Variants in MCOLN3 observed in about 807,000 individuals in gnomAD.
MCOLN3 encodes the protein mucolipin-3.
MCOLN3 carries 62 observed loss-of-function variants against 69.4 expected under a neutral mutation model. The ratio of observed to expected loss-of-function variants is 0.89; its 90% CI spans 0.73 to 1.10. The LOEUF (loss-of-function observed/expected upper bound fraction) is 1.10, where lower values mean the gene tolerates loss of function less well. Ranked by LOEUF, MCOLN3 falls within the 50% of genes least tolerant of loss-of-function variation. The pLI is 0.00. For missense variants in MCOLN3, 564 were observed against 656.4 expected (o/e 0.86, Z 1.54); for synonymous variants, 183 against 217.0 (o/e 0.84, Z 1.38).
intron 3 of MCOLN3, among the ~76,000 whole-genome samples, chr1:85,038,390 A>G (rs1652903765): frequency 6.6e-6 from 1 of 152,230 alleles, no homozygotes; most frequent in African/African-American, 2.4e-5. Flanking sequence ...TTAAAGAAAT[A>G]AGAGGAAAGC....
Position 85,041,215 on chromosome 1 carries a change from A to C in MCOLN3, c.229-38T>G, listed in dbSNP as rs752251454. Reference sequence around the variant, plus strand: ...AAAAGAAAAGGTAAGAGGGTGGAAAATGTGGGCAGAAAAAGCAGAGCAGAA... The same window carrying C: ...AAAAGAAAAGGTAAGAGGGTGGAAACTGTGGGCAGAAAAAGCAGAGCAGAA... On this transcript the variant is annotated intron_variant, in intron 2 of 12. Transcript: ENST00000370589. 9.5e-6 allele frequency: 15 copies of C among 1,571,158 alleles called. No individual in the cohort carries two copies. The South Asian group carries it at 1.7e-4, about 18-fold the overall frequency.
intron 1 of MCOLN3, 23 bp from the exon 2 acceptor site, chr1:85,045,385 A>G (rs1653297242): frequency 6.4e-7 from 1 of 1,555,464 alleles, no homozygotes; most frequent in Non-Finnish European, 8.8e-7. Context: ...AACAACAACA[A>G]CAACAACCAA....
rs747413787 is a variant in MCOLN3 at position 85,041,107 on chromosome 1, T to C, written c.299A>G (p.His100Arg). 37 of 1,613,944 alleles carry C rather than the reference T, an allele frequency of 2.3e-5. No individual in the cohort carries two copies. The highest frequency in any genetic ancestry group is 2.2e-5 in the East Asian group (1 of 44,872). Residue 100 changes from histidine (H) to arginine (R), a missense_variant, in exon 3 of 13, where the codon CAC becomes CGC. By Grantham distance (29) the His-to-Arg change is conservative (BLOSUM62 0). Transcript: ENST00000370589. ...GTCCATATATCCTTTTAGGAAAAGG[T>C]GTTTGAATGCTATAGTATTCTCTTC... is the stretch of plus-strand genomic sequence containing the variant. Reference protein sequence around the residue: ...FKEENTIAFKHLFLKGYMDRM... With the variant: ...FKEENTIAFKRLFLKGYMDRM...
rs1307886403 is a variant in MCOLN3, at chr1:85,032,747, C to T, written c.681G>A (p.Leu227=). The T allele has an allele frequency of 6.2e-7, 1 of 1,613,906 alleles. No individual in the cohort carries two copies. Among genetic ancestry groups the T allele is most frequent in the African/African-American group, 1.3e-5 (1 of 74,938 alleles). The change falls in exon 6 of 13, where the codon CTG becomes CTA. Residue 227 remains leucine, a synonymous_variant. Coordinates refer to ENST00000370589, the MANE Select transcript of MCOLN3 (RefSeq NM_018298.11). The part of the protein sequence containing the change: ...ELQFKLKAIN[L]QTVRHQELPD... ...GGAGTTCTTGATGACGAACTGTCTG[C>T]AGATTAATGGCTTTCAGTTTAAACT...
chr1:85,021,401 A>T, intron 11 of MCOLN3, 125 bp from the exon 12 acceptor site: 1 of 703,148 alleles, frequency 1.4e-6, no homozygotes, highest in Non-Finnish European at 2.3e-6. Context: ...CAAACAAATA[A>T]CCTGAGGTAA....
rs375102313 is a variant in MCOLN3 at position 85,026,225 on chromosome 1, C to G, written c.892G>C (p.Val298Leu). ...GATCTAATGCAGAGGATTAATGAAA[C>G]CAAGCAAGTCAGAATGACAAAGGCA... is the stretch of plus-strand genomic sequence containing the variant. ...FDAFVILTCL[V>L]SLILCIRSVI... Residue 298 changes from valine to leucine, a missense_variant, in exon 8 of 13, where the codon GTT (valine) becomes CTT (leucine). Physicochemically the swap from Val to Leu is conservative, Grantham distance 32. Coordinates refer to ENST00000370589, the MANE Select transcript of MCOLN3 (RefSeq NM_018298.11). 1.2e-6 allele frequency: 2 copies of G among 1,613,964 alleles called. No individual in the cohort carries two copies. Among genetic ancestry groups the G allele is most frequent in the African/African-American group, 2.7e-5 (2 of 74,886 alleles).
chr1:85,045,390 A>C (rs773909529), intron 1 of MCOLN3, 28 bp from the exon 2 acceptor site: 84 of 1,524,218 alleles, frequency 5.5e-5, no homozygotes, highest in Admixed American at 3.3e-4. Flanking sequence ...CAACAACAAC[A>C]ACCAACATTT....
At chr1:85,022,495 T>G in intron 9 of MCOLN3, 95 bp from the exon 10 acceptor site, 1 of 794,562 alleles carries the variant, frequency 1.3e-6, no homozygotes, top group Non-Finnish European at 2.1e-6. Flanking sequence ...CTGTTTTAGG[T>G]GCTAAGGATA....
At chr1:85,044,570 G>A (rs1182410490) in intron 2 of MCOLN3, among the ~76,000 whole-genome samples, 2 of 152,054 alleles carry the variant, frequency 1.3e-5, no homozygotes, top group Admixed American at 1.3e-4. Flanking sequence ...AATATTAAAA[G>A]CAGCCAAGGA....
intron 3 of MCOLN3, among the ~76,000 whole-genome samples, chr1:85,038,988 C>T (rs1048377903): frequency 6.6e-6 from 1 of 151,940 alleles, no homozygotes; most frequent in Non-Finnish European, 1.5e-5. Context: ...TGGTGAGACC[C>T]TGTCTCAAAA....
chr1:85,043,955 T>C (rs1004892019), intron 2 of MCOLN3, among the ~76,000 whole-genome samples: 6 of 152,022 alleles, frequency 3.9e-5, no homozygotes, highest in African/African-American at 2.4e-5. Context: ...GTTTTCACCA[T>C]GTTACCCAGG....
rs763000749 is a variant in MCOLN3 at position 85,021,203 on chromosome 1, G to A, written c.1394C>T (p.Ala465Val). The change falls in exon 12 of 13, where the codon GCA becomes GTA. Residue 465 changes from alanine (A) to valine (V), a missense_variant. Physicochemically the swap from Ala to Val is moderately conservative, Grantham distance 64 (BLOSUM62 0). Coordinates refer to ENST00000370589, the MANE Select transcript of MCOLN3 (RefSeq NM_018298.11). ...INGDDMFATF[A>V]KMQQKSYLVW... Reference sequence around the variant, plus strand: ...TAAGTAACTTTTTTGCTGCATTTTTGCAAACGTGGCAAACATATCATCTCC... The same window carrying A: ...TAAGTAACTTTTTTGCTGCATTTTTACAAACGTGGCAAACATATCATCTCC... The A allele has an allele frequency of 2.5e-6, 4 of 1,613,868 alleles. No individual in the cohort carries two copies. The highest frequency in any genetic ancestry group is 3.3e-5 in the Admixed American group (2 of 60,008).
At chr1:85,039,950 CAA>C (rs4001173) in intron 3 of MCOLN3, among the ~76,000 whole-genome samples, 1 of 145,568 alleles carries the variant, frequency 6.9e-6, no homozygotes, top group Non-Finnish European at 1.5e-5. Flanking sequence ...GATCCTGTCT[CAA>C]AAAAAAAAAA....
At chr1:85,026,340 ATCT>A (rs1167762259) in intron 7 of MCOLN3, 56 bp from the exon 8 acceptor site, 4 of 1,140,106 alleles carry the variant, frequency 3.5e-6, no homozygotes, top group South Asian at 1.3e-5. Flanking sequence ...ATATGGTGAC[ATCT>A]TCTTTTTAGA....
At chr1:85,022,453 CAATA>C (rs1346578087) in intron 9 of MCOLN3, 53 bp from the exon 10 acceptor site, 7 of 1,306,024 alleles carry the variant, frequency 5.4e-6, no homozygotes, top group Non-Finnish European at 7.7e-6. Flanking sequence ...ATTCATTTGG[CAATA>C]AATATTGAGG....
chr1:85,025,895 T>C (rs982100359), intron 9 of MCOLN3, 44 bp downstream of exon 9: 6 of 1,539,244 alleles, frequency 3.9e-6, no homozygotes, highest in Non-Finnish European at 4.4e-6. Context: ...TTACCATTAG[T>C]GCAAATCTGA....
intron 2 of MCOLN3, 60 bp from the exon 3 acceptor site, chr1:85,041,237 A>G (rs1653048800): frequency 2.8e-6 from 4 of 1,430,834 alleles, no homozygotes; most frequent in Middle Eastern, 1.8e-4. Context: ...AAAGCAGAGC[A>G]GAAGGTACAG....
chr1:85,041,290 G>C, intron 2 of MCOLN3, 113 bp from the exon 3 acceptor site: 1 of 833,216 alleles, frequency 1.2e-6, no homozygotes, highest in Non-Finnish European at 1.8e-6. Flanking sequence ...GAATTCTCTG[G>C]GACATCAAGA....
rs769457301 is a variant in MCOLN3 at position 85,034,140 on chromosome 1, G to C, written c.508C>G (p.Pro170Ala). The C allele has an allele frequency of 3.1e-6, 5 of 1,614,174 alleles. No individual in the cohort carries two copies. Among genetic ancestry groups the C allele is most frequent in the Middle Eastern group, 3.3e-4 (2 of 6,062 alleles). ...QHFYKRGNIY[P>A]GNDTFDIDPE... is the part of the protein sequence containing the mutation. Reference sequence around the variant, plus strand: ...TCGATGTCAAAGGTATCATTTCCAGGGTAGATGTTTCCTCGCTTGTAGAAG... The same window carrying C: ...TCGATGTCAAAGGTATCATTTCCAGCGTAGATGTTTCCTCGCTTGTAGAAG... Residue 170 changes from proline to alanine, a missense_variant, in exon 4 of 13, where the codon CCT becomes GCT. Coordinates refer to ENST00000370589, the MANE Select transcript of MCOLN3 (RefSeq NM_018298.11).
Sources: allele counts gnomAD v4.1 joint callset (sites outside exome capture counted in the v4.1 genomes callset), GRCh38; gene constraint gnomAD v4.1.1; transcripts MANE v1.5; gene names NCBI Gene and HGNC (gene_info 2026-07-23, HGNC 2026-07-21).